Variants in NAV1 observed in about 807,000 individuals in gnomAD.
NAV1 encodes the protein pore membrane and/or filament interacting like protein 3.
In NAV1, 18 loss-of-function variants were observed where a neutral mutation model predicts 175.2. The ratio of observed to expected loss-of-function variants is 0.10; its 90% CI spans 0.07 to 0.15. The LOEUF (loss-of-function observed/expected upper bound fraction) is 0.15. Ranked by LOEUF, NAV1 falls within the 10% of genes least tolerant of loss-of-function variation. The pLI is 1.00. For synonymous variants in NAV1, 897 were observed against 978.7 expected, an observed-to-expected ratio of 0.92 and a Z score of 1.56; for missense variants, 1,731 against 2,436.6, an observed-to-expected ratio of 0.71 and a Z score of 6.10.
At chr1:201,547,948 C>T (rs913545816) in intron 1 of NAV1, among the ~76,000 whole-genome samples, 4 of 152,158 alleles carry the variant, frequency 2.6e-5, no homozygotes, top group African/African-American at 9.7e-5. Context: ...CACCTGCCAC[C>T]ATGCCCGGCT....
chr1:201,699,143 T>C (rs564138655), intron 1 of NAV1, among the ~76,000 whole-genome samples: 1 of 152,210 alleles, frequency 6.6e-6, no homozygotes, highest in East Asian at 1.9e-4. Context: ...AAAGAGGAAG[T>C]CAAATTGCCC....
intron 1 of NAV1, among the ~76,000 whole-genome samples, chr1:201,557,347 C>T (rs952623185): frequency 1.2e-4 from 19 of 152,208 alleles, no homozygotes; most frequent in Admixed American, 2.6e-4. Flanking sequence ...TGTCCTTCAG[C>T]ACAGCCCACA....
chr1:201,736,882 CA>C (rs1042616104), intron 3 of NAV1, among the ~76,000 whole-genome samples: 1 of 152,052 alleles, frequency 6.6e-6, no homozygotes, highest in Non-Finnish European at 1.5e-5. Flanking sequence ...TCCCTTTCAG[CA>C]GGTGTCATCC....
intron 1 of NAV1, among the ~76,000 whole-genome samples, chr1:201,650,427 C>A (rs983421780): frequency 6.6e-6 from 1 of 152,196 alleles, no homozygotes; most frequent in Non-Finnish European, 1.5e-5. Context: ...GGTGCCCAGG[C>A]GAGCTGCTTT....
intron 3 of NAV1, among the ~76,000 whole-genome samples, chr1:201,749,349 G>C (rs2102590197): frequency 6.6e-6 from 1 of 152,322 alleles, no homozygotes; most frequent in Non-Finnish European, 1.5e-5. Context: ...AAAGTCAGAA[G>C]GGGAGCTGTG....
chr1:201,576,728 G>A (rs981506422), intron 1 of NAV1, among the ~76,000 whole-genome samples: 5 of 152,182 alleles, frequency 3.3e-5, no homozygotes, highest in African/African-American at 1.2e-4. Context: ...CAAAGTGGGT[G>A]TACCATTTTA....
Position 201,813,287 on chromosome 1 carries a change from T to C in NAV1, c.5340+29T>C, listed in dbSNP as rs559887062. 5.6e-6 allele frequency: 8 copies of C among 1,424,196 alleles called. No homozygotes were observed. The Admixed American group carries it at 1.0e-4, about 18-fold the overall frequency. 88.2% of individuals were successfully genotyped at this position (1,424,196 alleles called of 1,614,324 possible). A position where few individuals can be genotyped will look rare whatever the true frequency, so the allele number is the denominator to read the frequency against. ...AGCCCTACCCCCTTCACTCAAACCC[T>C]AAGATCAGGCTGTCCTACCTAACAA... On this transcript the variant is annotated intron_variant, in intron 28 of 29. Coordinates refer to ENST00000367296, the Ensembl canonical transcript of NAV1. The surrounding 1 kb of genome is among the most constrained non-coding windows in gnomAD (Gnocchi z 4.2).
chr1:201,738,537 G>A lies in NAV1; in HGVS notation c.1226+19782G>A, dbSNP rs577894988. ...TTGACCTGTGGGCCGAAAATAGTAG[G>A]GGCAGCCTGCATTGCTGGGGGGCTT... On this transcript the variant is annotated intron_variant, in intron 3 of 29. Transcript: ENST00000367296. Among the ~76,000 whole-genome samples the A allele has an allele frequency of 3.3e-5, 5 of 152,186 alleles. No homozygotes were observed. The South Asian group carries it at 6.2e-4, about 19-fold the overall frequency.
intron 3 of NAV1, among the ~76,000 whole-genome samples, chr1:201,760,151 C>G (rs1049863713): frequency 1.3e-5 from 2 of 152,160 alleles, no homozygotes; most frequent in Admixed American, 6.5e-5. Flanking sequence ...CTAGGGATTG[C>G]TGAAGCTATA....
Position 201,808,761 on chromosome 1 carries a change from C to T in NAV1, c.4097C>T (p.Ser1366Leu). The T allele has an allele frequency of 6.2e-7, 1 of 1,614,214 alleles. No individual in the cohort carries two copies. Among genetic ancestry groups the T allele is most frequent in the Non-Finnish European group, 8.5e-7 (1 of 1,180,040 alleles). ...CGACTGAAGGTAGCCCCAGGCCCCT[C>T]ATCAGGCTCCACTCCAGGGCAGGTC... is the stretch of plus-strand genomic sequence containing the variant. The change falls in exon 20 of 30, where the codon TCA (serine) becomes TTA (leucine). Residue 1366 changes from serine to leucine, a missense_variant. Coordinates refer to ENST00000367296, the Ensembl canonical transcript of NAV1. This position sits in a 1 kb window ranked among gnomAD's most constrained non-coding sequence, Gnocchi z 5.5.
chr1:201,783,773 G>T (rs1476089966), exon 7 of NAV1: 1 of 1,614,024 alleles, frequency 6.2e-7, no homozygotes, highest in East Asian at 2.2e-5. Flanking sequence ...CACCCCACCT[G>T]CTCCCCCTGC....
At chr1:201,576,988 AGTTTT>A (rs769049897) in intron 1 of NAV1, among the ~76,000 whole-genome samples, 20 of 151,454 alleles carry the variant, frequency 1.3e-4, no homozygotes, top group Non-Finnish European at 2.5e-4. Context: ...GTTTTTGGTG[AGTTTT>A]GTTTTGTTTT....
intron 2 of NAV1, among the ~76,000 whole-genome samples, chr1:201,633,741 T>TC (rs1668539907): frequency 1.3e-5 from 2 of 152,244 alleles, no homozygotes; most frequent in South Asian, 4.1e-4. Context: ...GAGCCTTATG[T>TC]CCCAGTCATC....
At chr1:201,705,098 C>T (rs1281311805) in intron 1 of NAV1, among the ~76,000 whole-genome samples, 1 of 152,180 alleles carries the variant, frequency 6.6e-6, no homozygotes, top group Non-Finnish European at 1.5e-5. Flanking sequence ...TGATTACAGG[C>T]ATAAGCTACT....
chr1:201,661,570 C>A (rs968331038), intron 1 of NAV1, among the ~76,000 whole-genome samples: 1 of 152,162 alleles, frequency 6.6e-6, no homozygotes, highest in Non-Finnish European at 1.5e-5. Context: ...CTGTCACTCA[C>A]TAACTGTTGA....
At chr1:201,644,511 C>T (rs1401003117), upstream of NAV1, among the ~76,000 whole-genome samples, 1 of 152,132 alleles carries the variant, frequency 6.6e-6, no homozygotes, top group Non-Finnish European at 1.5e-5. Flanking sequence ...TTCCTGGATG[C>T]CAAGATGGCT....
chr1:201,671,273 GTATGA>G (rs1054378877), intron 1 of NAV1, among the ~76,000 whole-genome samples: 1 of 152,134 alleles, frequency 6.6e-6, no homozygotes, highest in Admixed American at 6.5e-5. Context: ...CCATCTCCCT[GTATGA>G]CATTGATCCC....
At chr1:201,589,552 C>G (rs1454933129) in intron 2 of NAV1, among the ~76,000 whole-genome samples, 1 of 152,208 alleles carries the variant, frequency 6.6e-6, no homozygotes, top group Non-Finnish European at 1.5e-5. Context: ...AGTGAAGTGG[C>G]ATGATCTTGG....
At chr1:201,544,936 TG>T (rs1665625453) in intron 1 of NAV1, among the ~76,000 whole-genome samples, 1 of 152,236 alleles carries the variant, frequency 6.6e-6, no homozygotes, top group African/African-American at 2.4e-5. Context: ...AACTAAGACT[TG>T]AACTCAAGGT....
Sources: allele counts gnomAD v4.1 joint callset (sites outside exome capture counted in the v4.1 genomes callset), GRCh38; gene constraint gnomAD v4.1.1; non-coding constraint Gnocchi (gnomAD v3.1); transcripts MANE v1.5; gene names NCBI Gene and HGNC (gene_info 2026-07-23, HGNC 2026-07-21).